ROBO1: variants seen among roughly 807,000 people sequenced by gnomAD.
ROBO1 encodes roundabout guidance receptor 1.
In ROBO1, 149 loss-of-function variants were observed where a neutral mutation model predicts 195.9. The observed-to-expected ratio is 0.76, with a 90% confidence interval of 0.67 to 0.87. ROBO1 has a LOEUF of 0.87. Ranked by LOEUF, ROBO1 falls within the 40% of genes least tolerant of loss-of-function variation. The pLI is 0.00. For synonymous variants in ROBO1, 816 were observed against 733.2 expected, an observed-to-expected ratio of 1.11 and a Z score of -1.82; for missense variants, 1,933 against 2,068.3, an observed-to-expected ratio of 0.93 and a Z score of 1.27.
chr3:79,662,145 T>C (rs928988651), intron 1 of ROBO1, among the ~76,000 whole-genome samples: 5 of 152,064 alleles, frequency 3.3e-5, no homozygotes, highest in African/African-American at 1.2e-4. Context: ...ACAGATGTGA[T>C]TTAAATTCTC....
intron 4 of ROBO1, among the ~76,000 whole-genome samples, chr3:78,754,864 T>G (rs2082888564): frequency 6.6e-6 from 1 of 152,068 alleles, no homozygotes. Context: ...GAAGCCTGAG[T>G]AATGAGTAAA....
At chr3:79,718,828 T>C (rs141233625) in intron 1 of ROBO1, among the ~76,000 whole-genome samples, 2 of 152,224 alleles carry the variant, frequency 1.3e-5, no homozygotes, top group East Asian at 1.9e-4. Flanking sequence ...AATGACATTA[T>C]ATATTTATGG....
At chr3:79,753,939 GCTGTCCA>G in intron 1 of ROBO1, among the ~76,000 whole-genome samples, 1 of 152,284 alleles carries the variant, frequency 6.6e-6, no homozygotes, top group East Asian at 1.9e-4. Context: ...TCAGATTAGA[GCTGTCCA>G]AATCTACCAT....
chr3:78,800,649 T>G (rs908743315), intron 4 of ROBO1, among the ~76,000 whole-genome samples: 14 of 152,176 alleles, frequency 9.2e-5, no homozygotes, highest in African/African-American at 3.1e-4. Flanking sequence ...CTCCGCCACC[T>G]GGGTTCAAGC....
At chr3:79,022,887 C>G (rs1481645448) in intron 3 of ROBO1, among the ~76,000 whole-genome samples, 1 of 152,018 alleles carries the variant, frequency 6.6e-6, no homozygotes, top group East Asian at 1.9e-4. Context: ...TTTTGACGGT[C>G]AAAATTCTAG....
intron 2 of ROBO1, among the ~76,000 whole-genome samples, chr3:79,408,746 A>C (rs2037652752): frequency 6.6e-6 from 1 of 152,156 alleles, no homozygotes. Context: ...TAAGTTTTAA[A>C]GGGTCTACTA....
At chr3:78,848,961 C>T (rs191330408) in intron 4 of ROBO1, among the ~76,000 whole-genome samples, 5 of 151,914 alleles carry the variant, frequency 3.3e-5, no homozygotes, top group Non-Finnish European at 7.4e-5. Flanking sequence ...GGTGGAAAAT[C>T]AGGATGAGAG....
chr3:79,303,045 T>C (rs563363930), intron 2 of ROBO1, among the ~76,000 whole-genome samples: 8 of 152,326 alleles, frequency 5.3e-5, no homozygotes, highest in African/African-American at 1.7e-4. Context: ...GTTCATTTTT[T>C]TAACTGATAG....
Position 78,603,184 on chromosome 3 carries a change from T to C in ROBO1, c.4745-2875A>G, listed in dbSNP as rs1703275520. On this transcript the variant is annotated intron_variant, in intron 29 of 30. Coordinates refer to ENST00000464233, the MANE Select transcript of ROBO1 (RefSeq NM_002941.4). ...TCTTATAAAATATCTATAGGCTTTT[T>C]ATGACTTAAGCCTTCATGTACCTCA... 2.6e-5 allele frequency among the ~76,000 whole-genome samples: 4 copies of C among 152,346 alleles called. No homozygotes were observed. The South Asian group carries it at 8.3e-4, about 32-fold the overall frequency.
chr3:79,454,110 C>T (rs1575846220), intron 2 of ROBO1, among the ~76,000 whole-genome samples: 2 of 147,512 alleles, frequency 1.4e-5, no homozygotes, highest in African/African-American at 2.5e-5. Context: ...GAGGAAAGTT[C>T]TAGATTAATT....
intron 3 of ROBO1, among the ~76,000 whole-genome samples, chr3:79,082,718 A>G (rs1024679616): frequency 6.6e-6 from 1 of 152,054 alleles, no homozygotes. Flanking sequence ...TGTTACCCTC[A>G]AATCTCTCCC....
chr3:78,631,671 A>G (rs1470839645), intron 24 of ROBO1, among the ~76,000 whole-genome samples: 2 of 152,194 alleles, frequency 1.3e-5, no homozygotes, highest in Non-Finnish European at 2.9e-5. Flanking sequence ...CTTAAAATAC[A>G]ATATGATACA....
chr3:78,920,629 T>G (rs1424129947), intron 4 of ROBO1, among the ~76,000 whole-genome samples: 76 of 129,250 alleles, frequency 5.9e-4, no homozygotes, highest in African/African-American at 2.4e-3. Flanking sequence ...TTTCAGTTTT[T>G]TTTTTTTTTT....
chr3:78,804,013 T>C (rs1296377068), intron 4 of ROBO1, among the ~76,000 whole-genome samples: 1 of 152,182 alleles, frequency 6.6e-6, no homozygotes, highest in East Asian at 1.9e-4. Context: ...TCTTGTGCCA[T>C]AGAGTGTGGT....
chr3:79,337,729 T>A (rs1388406222), intron 2 of ROBO1, among the ~76,000 whole-genome samples: 1 of 152,174 alleles, frequency 6.6e-6, no homozygotes, highest in South Asian at 2.1e-4. Context: ...AAATTAAATA[T>A]AAGCCAATCA....
intron 4 of ROBO1, among the ~76,000 whole-genome samples, chr3:78,812,217 T>A (rs1014100343): frequency 6.6e-6 from 1 of 152,270 alleles, no homozygotes; most frequent in African/African-American, 2.4e-5. Flanking sequence ...GTTCCTTTAC[T>A]CAGAAACTCT....
chr3:79,224,163 G>A (rs1260861146), intron 2 of ROBO1, among the ~76,000 whole-genome samples: 1 of 152,040 alleles, frequency 6.6e-6, no homozygotes, highest in Non-Finnish European at 1.5e-5. Flanking sequence ...CAGAAAAAAA[G>A]GTCTTGAACA....
At chr3:79,124,971 T>C (rs937302684) in intron 3 of ROBO1, among the ~76,000 whole-genome samples, 3 of 152,078 alleles carry the variant, frequency 2.0e-5, no homozygotes, top group Non-Finnish European at 2.9e-5. Flanking sequence ...CAATAAGTCA[T>C]GCAAACACAA....
intron 4 of ROBO1, among the ~76,000 whole-genome samples, chr3:78,880,688 T>G (rs943710952): frequency 1.3e-5 from 2 of 152,190 alleles, no homozygotes; most frequent in Non-Finnish European, 2.9e-5. Flanking sequence ...CAGTTGGAGA[T>G]CTAACCCTTT....
Sources: gnomAD v4.1 joint callset for allele counts (sites outside exome capture counted in the v4.1 genomes callset) on GRCh38, gnomAD v4.1.1 for gene constraint, MANE v1.5 for transcripts, NCBI Gene and HGNC (gene_info 2026-07-23, HGNC 2026-07-21) for gene names.